NIPBL: variants seen among roughly 807,000 people sequenced by gnomAD.
NIPBL encodes NIPBL cohesin loading factor.
Under a neutral mutation model 321.8 loss-of-function variants are expected in NIPBL, and 19 were observed. The ratio of observed to expected loss-of-function variants is 0.06; its 90% CI spans 0.04 to 0.09. The LOEUF (loss-of-function observed/expected upper bound fraction) is 0.09. NIPBL is among the 10% of genes least tolerant of loss of function. The probability of loss-of-function intolerance (pLI) is 1.00; values close to 1 mark genes in which losing one functional copy is unlikely to be tolerated. For missense variants in NIPBL, 2,210 were observed against 3,327.0 expected (o/e 0.66, Z 8.26); for synonymous variants, 1,106 against 1,114.1 (o/e 0.99, Z 0.14).
At chr5:37,045,343 C>T in intron 36 of NIPBL, 100 bp from the exon 37 acceptor site, 2 of 894,270 alleles carry the variant, frequency 2.2e-6, no homozygotes, top group Admixed American at 4.5e-5. Flanking sequence ...GACAGTGAGA[C>T]TCCATCTCAA....
intron 9 of NIPBL, among the ~76,000 whole-genome samples, chr5:36,980,607 G>T (rs1262340434): frequency 6.6e-6 from 1 of 151,550 alleles, no homozygotes; most frequent in East Asian, 1.9e-4. Context: ...GTAACATGCT[G>T]TACAGGTTTA....
intron 9 of NIPBL, among the ~76,000 whole-genome samples, chr5:36,983,808 TTGTG>T (rs1157624100): frequency 2.0e-5 from 3 of 151,952 alleles, no homozygotes; most frequent in African/African-American, 7.2e-5. Context: ...GAATTTGTGT[TTGTG>T]TGTGTGTTTG....
At chr5:36,952,803 A>G (rs1561071513) in intron 1 of NIPBL, among the ~76,000 whole-genome samples, 1 of 152,230 alleles carries the variant, frequency 6.6e-6, no homozygotes, top group African/African-American at 2.4e-5. Context: ...ATAGTTGGAA[A>G]GACAAGCTAA....
At chr5:37,061,070 G>A (rs750954970) in intron 45 of NIPBL, 52 bp downstream of exon 45, 2 of 1,376,310 alleles carry the variant, frequency 1.5e-6, no homozygotes, top group African/African-American at 1.4e-5. Context: ...TTTTTGACAA[G>A]TAAATGTGGG....
Position 37,006,596 on chromosome 5 carries a change from C to A in NIPBL, c.4087+8C>A. ...GATTAGATCCTCATGGAGGTTAGTT[C>A]GTATAATATCAAAATTATTGTAAAT... On this transcript the variant is annotated splice_region_variant and intron_variant, in intron 17 of 46. Transcript: ENST00000282516. 1.3e-6 allele frequency: 2 copies of A among 1,546,340 alleles called. No homozygotes were observed. The highest frequency in any genetic ancestry group is 2.3e-5 in the South Asian group (2 of 88,158).
intron 1 of NIPBL, among the ~76,000 whole-genome samples, chr5:36,951,524 C>T (rs1375151099): frequency 6.6e-6 from 1 of 152,128 alleles, no homozygotes; most frequent in Non-Finnish European, 1.5e-5. Flanking sequence ...TAAGTTGGAA[C>T]TTTCTTATTA....
rs771146701 is a variant in NIPBL, at chr5:37,036,345, A to ATG, written c.5863-32_5863-31dup. 197 of 432,618 alleles carry ATG rather than the reference A, an allele frequency of 4.6e-4. 3 individuals carry two copies. The African/African-American group carries it at 7.5e-3, about 16-fold the overall frequency. 26.8% of individuals were successfully genotyped at this position (432,618 alleles called of 1,614,324 possible). ...TTTTTTTTCTTTTTTGTATATATAT[A>ATG]TGTATATATATATATATATATATGT... On this transcript the variant is annotated intron_variant, in intron 32 of 46. Transcript: ENST00000282516.
At chr5:37,064,437 G>A in intron 46 of NIPBL, 90 bp from the exon 47 acceptor site, 4 of 1,585,356 alleles carry the variant, frequency 2.5e-6, no homozygotes, top group South Asian at 2.2e-5. Flanking sequence ...AACTCCCGGC[G>A]TCAAGGGATT....
intron 38 of NIPBL, among the ~76,000 whole-genome samples, chr5:37,048,005 T>C (rs890239865): frequency 1.3e-5 from 2 of 152,154 alleles, no homozygotes; most frequent in African/African-American, 4.8e-5. Flanking sequence ...TTTTTTAAAA[T>C]AATGTCAATG....
At chr5:36,979,108 T>C (rs1161304898) in intron 9 of NIPBL, among the ~76,000 whole-genome samples, 1 of 152,042 alleles carries the variant, frequency 6.6e-6, no homozygotes, top group Non-Finnish European at 1.5e-5. Context: ...AGGATAGTTT[T>C]TCCAGTTCTT....
rs1747636538 is a variant in NIPBL at position 37,007,926 on chromosome 5, T to G, written c.4240-82T>G. On this transcript the variant is annotated intron_variant, in intron 18 of 46. Coordinates refer to ENST00000282516, the MANE Select transcript of NIPBL (RefSeq NM_133433.4). ...TTCTTAGTGTTTTCCAGTAAGCTTA[T>G]GAATGTATTGGAATTTAGTAAGATA... 5 of 854,690 alleles carry G rather than the reference T, an allele frequency of 5.9e-6. No individual in the cohort carries two copies. The South Asian group carries it at 6.9e-5, about 12-fold the overall frequency. The allele number at this position is 854,690 out of a possible 1,614,324, so 52.9% of individuals were successfully genotyped here.
Position 36,985,675 on chromosome 5 carries a change from G to A in NIPBL, c.2495G>A (p.Arg832Gln), listed in dbSNP as rs150498581. 20 of 1,613,908 alleles carry A rather than the reference G, an allele frequency of 1.2e-5. No individual in the cohort carries two copies. Among genetic ancestry groups the A allele is most frequent in the Admixed American group, 6.7e-5 (4 of 59,900 alleles). Residue 832 changes from arginine to glutamine, a missense_variant, in exon 10 of 47, where the codon CGA (arginine) becomes CAA (glutamine). Transcript: ENST00000282516. ...TCAGATGACAGGGGTGAATCAGAGCGACATCGAGGGGATCAGTCTAGGGTT... is the reference window on the plus strand; with the variant it reads ...TCAGATGACAGGGGTGAATCAGAGCAACATCGAGGGGATCAGTCTAGGGTT... Reference protein sequence around the residue: ...QKSDDRGESERHRGDQSRVRR... With the variant: ...QKSDDRGESEQHRGDQSRVRR...
In NIPBL at chr5:37,045,490, A is replaced by G; in HGVS notation, c.6391A>G (p.Thr2131Ala). 6.2e-7 allele frequency: 1 copy of G among 1,613,934 alleles called. No homozygotes were observed. Among genetic ancestry groups the G allele is most frequent in the East Asian group, 2.2e-5 (1 of 44,862 alleles). ...TCAACACCAAGAGGACCCAAATAAC[A>G]CTTCACTTCTAACAAACAAACCAGC... The part of the protein sequence containing the change: ...KSQHQEDPNN[T>A]SLLTNKPALL... Residue 2131 changes from threonine (T) to alanine (A), a missense_variant, in exon 37 of 47, where the codon ACT becomes GCT. This residue lies in a region of NIPBL where 73 missense variants were observed against 222.3 expected (regional missense o/e 0.33). Coordinates refer to ENST00000282516, the MANE Select transcript of NIPBL (RefSeq NM_133433.4).
chr5:36,960,418 T>C (rs1048119374), intron 4 of NIPBL, among the ~76,000 whole-genome samples: 2 of 151,394 alleles, frequency 1.3e-5, no homozygotes, highest in African/African-American at 4.8e-5. Flanking sequence ...AATTAAGCTA[T>C]TAAAGCTATG....
chr5:36,971,951 G>T lies in NIPBL; in HGVS notation c.778G>T (p.Asp260Tyr). 1 of 1,611,686 alleles carries T rather than the reference G, an allele frequency of 6.2e-7. No homozygotes were observed. The highest frequency in any genetic ancestry group is 8.5e-7 in the Non-Finnish European group (1 of 1,178,070). The change falls in exon 8 of 47, where the codon GAT becomes TAT. Residue 260 changes from aspartate (D) to tyrosine (Y), a missense_variant. Coordinates refer to ENST00000282516, the MANE Select transcript of NIPBL (RefSeq NM_133433.4). Reference sequence around the variant, plus strand: ...TTGTATACTCTATTTTTAGGATGGAGATTCTTCAACAATGAGGAATGCTGC... The same window carrying T: ...TTGTATACTCTATTTTTAGGATGGATATTCTTCAACAATGAGGAATGCTGC... ...MVHRLSSDDG[D>Y]SSTMRNAASF...
At chr5:36,970,808 ATAAT>A (rs1742769860) in intron 6 of NIPBL, 64 bp from the exon 7 acceptor site, 6 of 1,331,722 alleles carry the variant, frequency 4.5e-6, no homozygotes, top group East Asian at 2.5e-5. Flanking sequence ...ATATTTGTGA[ATAAT>A]TACTATTCTC....
At chr5:36,968,837 TAAG>T (rs1742534709) in intron 6 of NIPBL, among the ~76,000 whole-genome samples, 2 of 152,134 alleles carry the variant, frequency 1.3e-5, no homozygotes, top group African/African-American at 2.4e-5. Flanking sequence ...TACAGGAAGA[TAAG>T]AAGCGTTAAA....
chr5:37,051,656 A>G, intron 40 of NIPBL, 123 bp from the exon 41 acceptor site: 1 of 692,570 alleles, frequency 1.4e-6, no homozygotes, highest in East Asian at 2.7e-5. Context: ...TAAAACATAG[A>G]CTTTATAGGA....
intron 1 of NIPBL, among the ~76,000 whole-genome samples, chr5:36,917,735 T>C (rs1748584803): frequency 6.6e-6 from 1 of 152,238 alleles, no homozygotes; most frequent in Non-Finnish European, 1.5e-5. Context: ...TTCAACTTTC[T>C]ACATATGGCT....
Sources: gnomAD v4.1 joint callset for allele counts (sites outside exome capture counted in the v4.1 genomes callset) on GRCh38, gnomAD v4.1.1 for gene constraint, gnomAD v4.1.1 regional missense constraint, MANE v1.5 for transcripts, NCBI Gene and HGNC (gene_info 2026-07-23, HGNC 2026-07-21) for gene names.